The following PTGIR variants were observed in gnomAD, a reference collection of about 807,000 sequenced individuals.
PTGIR encodes prostaglandin I2 receptor.
PTGIR carries 16 observed loss-of-function variants against 17.6 expected under a neutral mutation model. The observed-to-expected ratio is 0.91, with a 90% CI of 0.61 to 1.38. The LOEUF is 1.38. PTGIR is among the 40% of genes most tolerant of loss of function. PTGIR has a pLI of 0.00. For missense variants in PTGIR, 532 were observed against 548.6 expected, an observed-to-expected ratio of 0.97 and a Z score of 0.30; for synonymous variants, 274 against 255.4, an observed-to-expected ratio of 1.07 and a Z score of -0.69.
At chr19:46,612,917 G>A in the PTGIR span, among the ~76,000 whole-genome samples, 1 of 151,804 alleles carries the variant, frequency 6.6e-6, no homozygotes, top group Admixed American at 6.6e-5. Context: ...TAAACTTGGA[G>A]CAGCGATTTA....
In PTGIR at chr19:46,621,548, G is replaced by A. The variant is rs1399154634; in HGVS notation, c.893C>T (p.Ala298Val). The A allele has an allele frequency of 6.2e-7, 1 of 1,614,170 alleles. No homozygotes were observed. Among genetic ancestry groups the A allele is most frequent in the Admixed American group, 1.7e-5 (1 of 60,038 alleles). Residue 298 changes from alanine to valine, a missense_variant, in exon 3 of 3, where the codon GCT becomes GTT. By Grantham distance (64) the Ala-to-Val change is moderately conservative. Transcript: ENST00000291294. This position sits in a 1 kb window ranked among gnomAD's most constrained non-coding sequence, Gnocchi z 4.8. ...DPWVFILFRK[A>V]VFQRLKLWVC... ...CCAGAGCTTGAGTCGCTGGAAGACA[G>A]CCTTGCGGAAAAGGATGAAGACCCA...
At position 46,623,799 on chromosome 19, in the gene PTGIR, T is replaced by C. The variant is rs759337986; in HGVS notation, c.427A>G (p.Ile143Val). 1 of 1,608,724 alleles carries C rather than the reference T, an allele frequency of 6.2e-7. No individual in the cohort carries two copies. The highest frequency in any genetic ancestry group is 1.1e-5 in the South Asian group (1 of 90,752). Residue 143 changes from isoleucine to valine, a missense_variant, in exon 2 of 3, where the codon ATC becomes GTC. Coordinates refer to ENST00000291294, the MANE Select transcript of PTGIR (RefSeq NM_000960.4). ...CAGAAGAGGACGCAGAAGGCGTAGA[T>C]GGCTGGCAGCGCCAGGCGGGCGCAG... is the stretch of plus-strand genomic sequence containing the variant. ...PRCARLALPAIYAFCVLFCAL... is the reference protein window; with the variant it reads ...PRCARLALPAVYAFCVLFCAL...
intron 1 of PTGIR, 168 bp from the exon 2 acceptor site, chr19:46,624,405 A>G: frequency 2.0e-6 from 1 of 503,070 alleles, no homozygotes; most frequent in Non-Finnish European, 3.4e-6. Flanking sequence ...TGGCTTCTCC[A>G]GTATCTCTCT....
chr19:46,610,816 C>G, the PTGIR span: 2 of 152,768 alleles, frequency 1.3e-5, no homozygotes, highest in Non-Finnish European at 2.9e-5. Context: ...AGTTTCTGGC[C>G]TGCCCCCCTC....
chr19:46,623,410 G>A, intron 2 of PTGIR, 48 bp downstream of exon 2: 1 of 1,468,604 alleles, frequency 6.8e-7, no homozygotes, highest in Non-Finnish European at 9.0e-7. Flanking sequence ...AACCCACAGA[G>A]CTGCCCTCCT....
chr19:46,616,526 A>T (rs903389341), downstream of PTGIR, among the ~76,000 whole-genome samples: 11 of 151,174 alleles, frequency 7.3e-5, no homozygotes, highest in Admixed American at 6.6e-5. Context: ...TAGAGATGGG[A>T]TTTCACCATA....
chr19:46,619,573 G>GAA (rs1972018885), downstream of PTGIR, among the ~76,000 whole-genome samples: 1 of 109,522 alleles, frequency 9.1e-6, no homozygotes, highest in Non-Finnish European at 1.8e-5. Context: ...GAGAGAGAGA[G>GAA]AGAGAGAGAG....
chr19:46,617,020 A>G (rs1275131294), downstream of PTGIR, among the ~76,000 whole-genome samples: 2 of 152,278 alleles, frequency 1.3e-5, no homozygotes, highest in Non-Finnish European at 2.9e-5. Flanking sequence ...AAGAATTTGA[A>G]GGGCAAGGGT....
At chr19:46,610,998 C>G in the PTGIR span, among the ~76,000 whole-genome samples, 32 of 152,280 alleles carry the variant, frequency 2.1e-4, 1 homozygote, top group South Asian at 4.8e-3. Flanking sequence ...AGGGTCCTGT[C>G]CTAGAGATAG....
At chr19:46,623,231 A>C (rs924820777) in intron 2 of PTGIR, 24 of 460,416 alleles carry the variant, frequency 5.2e-5, no homozygotes, top group Non-Finnish European at 8.7e-5. Flanking sequence ...TCCTGACCTC[A>C]AATGATCCGC....
chr19:46,624,093 G>A lies in PTGIR; in HGVS notation c.133C>T (p.Arg45Cys), dbSNP rs764430014. 12 of 1,539,994 alleles carry A rather than the reference G, an allele frequency of 7.8e-6. No individual in the cohort carries two copies. Among genetic ancestry groups the A allele is most frequent in the Middle Eastern group, 1.8e-4 (1 of 5,686 alleles). ...ACCAGCACCGCGAAGGCCGAGGGGC[G>A]CGCCGGTCGCCGTGCGCTCAGGATG... is the stretch of plus-strand genomic sequence containing the variant. ...LGILSARRPA[R>C]PSAFAVLVTG... The change falls in exon 2 of 3, where the codon CGC (arginine) becomes TGC (cysteine). Residue 45 changes from arginine to cysteine, a missense_variant. Physicochemically the swap from Arg to Cys is radical, Grantham distance 180. Transcript: ENST00000291294.
At chr19:46,619,608 A>T (rs941618467), downstream of PTGIR, among the ~76,000 whole-genome samples, 1 of 108,742 alleles carries the variant, frequency 9.2e-6, no homozygotes, top group African/African-American at 3.6e-5. Flanking sequence ...AAGAAAGGAA[A>T]GAAAGAAAGA....
chr19:46,623,825 C>G lies in PTGIR; in HGVS notation c.401G>C (p.Arg134Pro), dbSNP rs201614820. 1 of 1,606,478 alleles carries G rather than the reference C, an allele frequency of 6.2e-7. No homozygotes were observed. Among genetic ancestry groups the G allele is most frequent in the Non-Finnish European group, 8.5e-7 (1 of 1,178,004 alleles). ...GGCTGGCAGCGCCAGGCGGGCGCAG[C>G]GGGGCCCGTCCAGCTGCGCGTAGAG... ...PYLYAQLDGPRCARLALPAIY... is the reference protein window; with the variant it reads ...PYLYAQLDGPPCARLALPAIY... Residue 134 changes from arginine (R) to proline (P), a missense_variant, in exon 2 of 3, where the codon CGC becomes CCC. By Grantham distance (103) the Arg-to-Pro change is moderately radical. Transcript: ENST00000291294.
Position 46,621,836 on chromosome 19 carries a change from G to A in PTGIR, c.769-164C>T. 1.4e-6 allele frequency: 2 copies of A among 1,397,046 alleles called. No homozygotes were observed. Among genetic ancestry groups the A allele is most frequent in the Non-Finnish European group, 1.9e-6 (2 of 1,078,356 alleles). The allele number at this position is 1,397,046 out of a possible 1,614,324, so 86.5% of individuals were successfully genotyped here. ...AACAAATGTATCTGGGGAACACAGG[G>A]AGAGAAAGCCCCAGGAAATTGCCAG... On this transcript the variant is annotated intron_variant, in intron 2 of 2. Transcript: ENST00000291294. This position sits in a 1 kb window ranked among gnomAD's most constrained non-coding sequence, Gnocchi z 4.8.
chr19:46,613,112 C>T, the PTGIR span, among the ~76,000 whole-genome samples: 2 of 126,298 alleles, frequency 1.6e-5, no homozygotes, highest in African/African-American at 3.0e-5. Context: ...GGCATGATCT[C>T]GGTTCACTGC....
chr19:46,624,191 C>G lies in PTGIR; in HGVS notation c.35G>C (p.Arg12Pro), dbSNP rs773677350. ...ADSCRNLTYV[R>P]GSVGPATSTL... is the part of the protein sequence containing the mutation. Reference sequence around the variant, plus strand: ...GCTGGTGGCCGGCCCCACCGAGCCCCGCACGTAGGTGAGGTTCCTGCACGA... The same window carrying G: ...GCTGGTGGCCGGCCCCACCGAGCCCGGCACGTAGGTGAGGTTCCTGCACGA... Residue 12 changes from arginine (R) to proline (P), a missense_variant, in exon 2 of 3, where the codon CGG becomes CCG. Transcript: ENST00000291294. 8 of 1,469,792 alleles carry G rather than the reference C, an allele frequency of 5.4e-6. No homozygotes were observed. Among genetic ancestry groups the G allele is most frequent in the Non-Finnish European group, 7.2e-6 (8 of 1,117,854 alleles). 91.0% of individuals were successfully genotyped at this position (1,469,792 alleles called of 1,614,324 possible). A position where few individuals can be genotyped will look rare whatever the true frequency, so the allele number is the denominator to read the frequency against.
At chr19:46,619,123 C>A (rs1235467419), downstream of PTGIR, among the ~76,000 whole-genome samples, 5 of 152,094 alleles carry the variant, frequency 3.3e-5, no homozygotes, top group Non-Finnish European at 7.4e-5. Flanking sequence ...CGGGCCTGCT[C>A]CAAGCCCACG....
chr19:46,614,419 G>A, the PTGIR span: 1 of 985,402 alleles, frequency 1.0e-6, no homozygotes, highest in Non-Finnish European at 1.2e-6. Context: ...CCGGGTGCTA[G>A]GGAGATGGGA....
chr19:46,619,378 C>T (rs1026360821), downstream of PTGIR, among the ~76,000 whole-genome samples: 2 of 151,618 alleles, frequency 1.3e-5, no homozygotes, highest in African/African-American at 4.9e-5. Flanking sequence ...GCCTGTAATC[C>T]CAGCTACTCG....
Sources: gnomAD v4.1 joint callset for allele counts (sites outside exome capture counted in the v4.1 genomes callset) on GRCh38, gnomAD v4.1.1 for gene constraint, Gnocchi (gnomAD v3.1) non-coding constraint, MANE v1.5 for transcripts, NCBI Gene and HGNC (gene_info 2026-07-23, HGNC 2026-07-21) for gene names.